BRD10: variants seen among roughly 807,000 people sequenced by gnomAD.
BRD10 encodes the protein uncharacterized bromodomain-containing protein 10.
the BRD10 span, chr9:5,919,583 C>CAA: frequency 1.1e-5 from 11 of 1,025,316 alleles, no homozygotes; most frequent in Non-Finnish European, 1.1e-5. Context: ...CACACACACA[C>CAA]AATGTATAGT....
At chr9:6,004,502 C>T in the BRD10 span, among the ~76,000 whole-genome samples, 1 of 152,174 alleles carries the variant, frequency 6.6e-6, no homozygotes, top group African/African-American at 2.4e-5. Flanking sequence ...TCCTCTTTAC[C>T]TAATATACCT....
At chr9:5,957,480 A>C in the BRD10 span, among the ~76,000 whole-genome samples, 38 of 152,316 alleles carry the variant, frequency 2.5e-4, 1 homozygote, top group African/African-American at 8.9e-4. Flanking sequence ...CTTATCACAG[A>C]TAAAGAAACA....
chr9:5,953,691 T>C, the BRD10 span, among the ~76,000 whole-genome samples: 1 of 151,624 alleles, frequency 6.6e-6, no homozygotes, highest in Non-Finnish European at 1.5e-5. Context: ...ATTATATATA[T>C]ATACATACAC....
chr9:5,921,938 G>A, the BRD10 span: 83 of 1,613,852 alleles, frequency 5.1e-5, no homozygotes, highest in Middle Eastern at 1.6e-4. Flanking sequence ...GGAAACAGAA[G>A]TTGGTGTTTG....
chr9:5,937,803 A>G, the BRD10 span, among the ~76,000 whole-genome samples: 5 of 152,236 alleles, frequency 3.3e-5, no homozygotes, highest in African/African-American at 4.8e-5. Flanking sequence ...ACTGTAAACC[A>G]AAGTTAAAAT....
the BRD10 span, among the ~76,000 whole-genome samples, chr9:6,002,680 T>G: frequency 6.6e-6 from 1 of 151,290 alleles, no homozygotes; most frequent in African/African-American, 2.4e-5. Flanking sequence ...TTCATGAGGA[T>G]GCTGTACTTT....
the BRD10 span, chr9:6,008,060 C>A: frequency 1.0e-6 from 1 of 982,638 alleles, no homozygotes; most frequent in Non-Finnish European, 1.2e-6. Context: ...GGCGCGCGCA[C>A]GGCCCTCGCC....
At chr9:5,991,773 T>C in the BRD10 span, among the ~76,000 whole-genome samples, 1 of 151,408 alleles carries the variant, frequency 6.6e-6, no homozygotes, top group African/African-American at 2.4e-5. Flanking sequence ...TACCTTGCTC[T>C]GTCTCCTCCA....
At chr9:5,915,307 A>AT in the BRD10 span, among the ~76,000 whole-genome samples, 9 of 152,186 alleles carry the variant, frequency 5.9e-5, no homozygotes, top group East Asian at 1.7e-3. Flanking sequence ...AGTCAGGTGA[A>AT]TGATGGCAGC....
the BRD10 span, among the ~76,000 whole-genome samples, chr9:5,958,078 A>C: frequency 6.6e-6 from 1 of 152,198 alleles, no homozygotes; most frequent in South Asian, 2.1e-4. Flanking sequence ...TCTTGAGCCT[A>C]AAACAGAAAG....
the BRD10 span, among the ~76,000 whole-genome samples, chr9:5,886,010 G>A: frequency 6.6e-6 from 1 of 152,214 alleles, no homozygotes; most frequent in Non-Finnish European, 1.5e-5. Flanking sequence ...GGGGCTTGTA[G>A]CCTTCCCAAA....
the BRD10 span, among the ~76,000 whole-genome samples, chr9:5,995,866 T>C: frequency 2.0e-5 from 3 of 152,278 alleles, no homozygotes; most frequent in Non-Finnish European, 1.5e-5. Context: ...CGCTAACAAT[T>C]TGTACATATG....
chr9:5,919,794 G>A, the BRD10 span: 2 of 1,613,872 alleles, frequency 1.2e-6, no homozygotes, highest in Non-Finnish European at 8.5e-7. Flanking sequence ...GATGGAGAGA[G>A]TGAAGAAACC....
the BRD10 span, among the ~76,000 whole-genome samples, chr9:5,886,012 C>G: frequency 1.3e-5 from 2 of 152,206 alleles, no homozygotes; most frequent in African/African-American, 4.8e-5. Context: ...GGCTTGTAGC[C>G]TTCCCAAAAG....
chr9:5,979,732 A>T, the BRD10 span, among the ~76,000 whole-genome samples: 1 of 152,004 alleles, frequency 6.6e-6, no homozygotes, highest in Non-Finnish European at 1.5e-5. Flanking sequence ...AAGTATCTAA[A>T]ATAGCCGGTA....
chr9:6,007,549 T>A, the BRD10 span: 4 of 1,613,080 alleles, frequency 2.5e-6, no homozygotes, highest in Admixed American at 6.7e-5. Flanking sequence ...GTAGCCCTGC[T>A]GTAGCTCGTA....
At chr9:5,947,537 G>A in the BRD10 span, among the ~76,000 whole-genome samples, 17 of 151,930 alleles carry the variant, frequency 1.1e-4, no homozygotes, top group South Asian at 8.3e-4. Flanking sequence ...TTAAAATGAC[G>A]TTAATAGCTA....
the BRD10 span, among the ~76,000 whole-genome samples, chr9:6,005,881 C>A: frequency 1.3e-5 from 2 of 152,162 alleles, no homozygotes; most frequent in Non-Finnish European, 2.9e-5. Context: ...TAATCCTACT[C>A]TATGAAAGGA....
At chr9:5,937,199 A>G in the BRD10 span, among the ~76,000 whole-genome samples, 1 of 150,156 alleles carries the variant, frequency 6.7e-6, no homozygotes. Flanking sequence ...ACTACACTCT[A>G]GCCTGGGCGA....
Sources: allele counts gnomAD v4.1 joint callset (sites outside exome capture counted in the v4.1 genomes callset), GRCh38; gene constraint gnomAD v4.1.1; transcripts MANE v1.5; gene names NCBI Gene and HGNC (gene_info 2026-07-23, HGNC 2026-07-21).